PTPRT: variants seen among roughly 807,000 people sequenced by gnomAD.
PTPRT encodes the protein protein tyrosine phosphatase receptor type T.
PTPRT carries 56 observed loss-of-function variants against 176.8 expected under a neutral mutation model. The ratio of observed to expected loss-of-function variants is 0.32; its 90% confidence interval spans 0.26 to 0.40. The LOEUF is 0.40. Among genes scored for constraint, PTPRT ranks in the 10% least tolerant of loss-of-function variants. The pLI is 1.00. For missense variants in PTPRT, 1,540 were observed against 1,908.2 expected, an observed-to-expected ratio of 0.81 and a Z score of 3.60; for synonymous variants, 783 against 739.0, an observed-to-expected ratio of 1.06 and a Z score of -0.96.
At chr20:42,590,667 C>T (rs1013030) in intron 7 of PTPRT, among the ~76,000 whole-genome samples, 1 of 152,014 alleles carries the variant, frequency 6.6e-6, no homozygotes, top group East Asian at 1.9e-4. Context: ...TTAATTGAGT[C>T]TTCAGAAGGA....
Position 43,155,762 on chromosome 20 carries a change from T to C in PTPRT, c.88+33884A>G, listed in dbSNP as rs1016253607. On this transcript the variant is annotated intron_variant, in intron 1 of 30. Transcript: ENST00000373187. ...TTAACCATTCTGCAATGTCTATATA[T>C]GTCAAAACATCATGTTGTACATGAT... is the stretch of plus-strand genomic sequence containing the variant. Among the ~76,000 whole-genome samples the C allele has an allele frequency of 9.2e-5, 14 of 152,332 alleles. 1 individual carries two copies. The highest frequency in any genetic ancestry group is 2.6e-4 in the Admixed American group (4 of 15,306).
chr20:42,221,872 G>A (rs1257206772), intron 15 of PTPRT, among the ~76,000 whole-genome samples: 1 of 152,102 alleles, frequency 6.6e-6, no homozygotes, highest in Non-Finnish European at 1.5e-5. Flanking sequence ...TCACTATCAT[G>A]AGAATAGCAT....
intron 12 of PTPRT, among the ~76,000 whole-genome samples, chr20:42,309,126 G>T (rs2057588891): frequency 6.6e-6 from 1 of 152,182 alleles, no homozygotes; most frequent in African/African-American, 2.4e-5. Flanking sequence ...GACAAGAAAA[G>T]ACTTTTATCC....
At chr20:42,832,167 C>T (rs776999812) in intron 2 of PTPRT, among the ~76,000 whole-genome samples, 1 of 152,214 alleles carries the variant, frequency 6.6e-6, no homozygotes, top group African/African-American at 2.4e-5. Context: ...GGTACATATA[C>T]ACCATGGAAT....
chr20:42,057,336 C>CG, the PTPRT span, among the ~76,000 whole-genome samples: 1 of 151,654 alleles, frequency 6.6e-6, no homozygotes, highest in African/African-American at 2.4e-5. Context: ...ATGTTATTGG[C>CG]GGGGGGCGGG....
At chr20:42,561,159 A>G (rs1312581565) in intron 7 of PTPRT, among the ~76,000 whole-genome samples, 1 of 152,218 alleles carries the variant, frequency 6.6e-6, no homozygotes, top group Non-Finnish European at 1.5e-5. Flanking sequence ...CCTTGGAAAT[A>G]TAACCTTAGA....
chr20:42,273,008 T>C (rs764161601), intron 13 of PTPRT, among the ~76,000 whole-genome samples: 1 of 152,228 alleles, frequency 6.6e-6, no homozygotes, highest in South Asian at 2.1e-4. Context: ...TAGCATACCC[T>C]AAGTTGATTT....
intron 9 of PTPRT, among the ~76,000 whole-genome samples, chr20:42,384,396 G>A (rs183569472): frequency 6.6e-6 from 1 of 152,164 alleles, no homozygotes; most frequent in Non-Finnish European, 1.5e-5. Context: ...CCTTGAGGAT[G>A]AATCGGTAGG....
At chr20:42,438,121 G>C (rs1040929142) in intron 9 of PTPRT, among the ~76,000 whole-genome samples, 1 of 152,104 alleles carries the variant, frequency 6.6e-6, no homozygotes, top group Non-Finnish European at 1.5e-5. Context: ...AAGGCCTCTG[G>C]GTGCACACGC....
intron 15 of PTPRT, among the ~76,000 whole-genome samples, chr20:42,206,681 T>C (rs1052357565): frequency 1.6e-4 from 25 of 152,222 alleles, no homozygotes; most frequent in African/African-American, 5.5e-4. Flanking sequence ...GAGATCAAAC[T>C]GCAAGGTGGC....
At chr20:42,982,263 T>TGG (rs1240141319) in intron 1 of PTPRT, among the ~76,000 whole-genome samples, 2 of 152,064 alleles carry the variant, frequency 1.3e-5, no homozygotes, top group African/African-American at 4.8e-5. Context: ...GGCTGGGTGG[T>TGG]GGAGAGAGAG....
chr20:42,812,372 C>A (rs2077710932), intron 2 of PTPRT, among the ~76,000 whole-genome samples: 1 of 152,026 alleles, frequency 6.6e-6, no homozygotes, highest in South Asian at 2.1e-4. Flanking sequence ...ATTTTGTAAC[C>A]ATTAAGTAAT....
chr20:42,564,445 C>T (rs1450761097), intron 7 of PTPRT, among the ~76,000 whole-genome samples: 1 of 152,116 alleles, frequency 6.6e-6, no homozygotes, highest in Non-Finnish European at 1.5e-5. Context: ...AATAACAATA[C>T]AACAGTAAAA....
At chr20:42,861,438 T>A (rs769282043) in intron 2 of PTPRT, among the ~76,000 whole-genome samples, 14 of 152,178 alleles carry the variant, frequency 9.2e-5, no homozygotes, top group Non-Finnish European at 1.9e-4. Context: ...ATCAAAATAT[T>A]TTTTTCTTTT....
chr20:42,110,244 GT>G, intron 23 of PTPRT, 88 bp downstream of exon 23: 5 of 1,265,774 alleles, frequency 4.0e-6, no homozygotes, highest in Non-Finnish European at 5.4e-6. Context: ...TAGAGACGAG[GT>G]TTCACCACGT....
chr20:43,010,518 A>G (rs1242451423), intron 1 of PTPRT, among the ~76,000 whole-genome samples: 1 of 152,174 alleles, frequency 6.6e-6, no homozygotes. Flanking sequence ...AGAACTTTGG[A>G]AAGTGACCTT....
At chr20:42,904,262 G>A (rs1176811047) in intron 1 of PTPRT, among the ~76,000 whole-genome samples, 1 of 152,092 alleles carries the variant, frequency 6.6e-6, no homozygotes, top group Non-Finnish European at 1.5e-5. Flanking sequence ...TCCACCTCAG[G>A]CTAAAACTCT....
chr20:42,300,457 GAAAGA>G (rs1335246667), intron 12 of PTPRT, among the ~76,000 whole-genome samples: 1 of 151,890 alleles, frequency 6.6e-6, no homozygotes, highest in African/African-American at 2.4e-5. Context: ...GATTCTGTCA[GAAAGA>G]AAATAAGTTT....
chr20:42,741,271 T>G (rs775665290), intron 6 of PTPRT, among the ~76,000 whole-genome samples: 1 of 152,172 alleles, frequency 6.6e-6, no homozygotes, highest in Non-Finnish European at 1.5e-5. Flanking sequence ...TCTTCTCAGA[T>G]GTAGCCCCAG....
Sources: allele counts gnomAD v4.1 joint callset (sites outside exome capture counted in the v4.1 genomes callset), GRCh38; gene constraint gnomAD v4.1.1; transcripts MANE v1.5; gene names NCBI Gene and HGNC (gene_info 2026-07-23, HGNC 2026-07-21).